Variants in DGKG observed in about 807,000 individuals in gnomAD.
DGKG encodes DAG kinase gamma.
In DGKG, 78 loss-of-function variants were observed where a neutral mutation model predicts 105.3. The observed-to-expected ratio is 0.74, with a 90% CI of 0.62 to 0.89. DGKG has a LOEUF of 0.89. Among genes scored for constraint, DGKG ranks in the 40% least tolerant of loss-of-function variants. DGKG has a pLI of 0.00. For synonymous variants in DGKG, 346 were observed against 367.1 expected, an observed-to-expected ratio of 0.94 and a Z score of 0.66; for missense variants, 958 against 1,020.1, an observed-to-expected ratio of 0.94 and a Z score of 0.83.
intron 8 of DGKG, 94 bp from the exon 9 acceptor site, chr3:186,280,067 G>T: frequency 6.6e-7 from 1 of 1,521,414 alleles, no homozygotes. Flanking sequence ...TGCATTATCT[G>T]GTTTGTGTTT....
rs377606082 is a variant in DGKG at position 186,300,793 on chromosome 3, A to C, written c.145-2564T>G. 2.6e-5 allele frequency among the ~76,000 whole-genome samples: 4 copies of C among 152,338 alleles called. No homozygotes were observed. The South Asian group carries it at 8.3e-4, about 32-fold the overall frequency. On this transcript the variant is annotated intron_variant, in intron 3 of 24. Coordinates refer to ENST00000265022, the MANE Select transcript of DGKG (RefSeq NM_001346.3). ...AACAGTCTAACATAATGCTGTAAAAAACCAAAGCCAAAAGATCATGAAACA... is the reference window on the plus strand; with the variant it reads ...AACAGTCTAACATAATGCTGTAAAACACCAAAGCCAAAAGATCATGAAACA...
At position 186,274,039 on chromosome 3, in the gene DGKG, C is replaced by CT. The variant is rs1198316697; in HGVS notation, c.910+1507dup. Among the ~76,000 whole-genome samples the CT allele has an allele frequency of 2.0e-5, 3 of 152,310 alleles. No homozygotes were observed. The East Asian group carries it at 5.8e-4, about 29-fold the overall frequency. ...TCCCCCATCTCTTTTTGCTGTCTCC[C>CT]TTTCCAGTCTTCCTCTCTGCTTTTT... On this transcript the variant is annotated intron_variant, in intron 10 of 24. Coordinates refer to ENST00000265022, the MANE Select transcript of DGKG (RefSeq NM_001346.3).
intron 6 of DGKG, among the ~76,000 whole-genome samples, chr3:186,285,390 T>C (rs1228187603): frequency 1.3e-5 from 2 of 152,228 alleles, no homozygotes; most frequent in Non-Finnish European, 2.9e-5. Context: ...TCCTCAATAA[T>C]GCTATGGGGT....
chr3:186,338,778 T>C (rs1398562647), intron 1 of DGKG, among the ~76,000 whole-genome samples: 1 of 152,222 alleles, frequency 6.6e-6, no homozygotes, highest in African/African-American at 2.4e-5. Context: ...ACTCAATCTT[T>C]TCAAAGTTTA....
chr3:186,297,633 G>T (rs1053808193), intron 4 of DGKG, 150 bp from the exon 5 acceptor site: 10 of 641,710 alleles, frequency 1.6e-5, no homozygotes, highest in Non-Finnish European at 2.5e-5. Context: ...TCGCTTATTG[G>T]GATTGGCTGT....
At chr3:186,228,203 C>A (rs777471193) in intron 20 of DGKG, among the ~76,000 whole-genome samples, 8 of 152,136 alleles carry the variant, frequency 5.3e-5, no homozygotes, top group Non-Finnish European at 7.4e-5. Context: ...AAAGCTCTGT[C>A]GTTGGTTTCC....
chr3:186,213,660 T>G (rs1719143575), intron 20 of DGKG, among the ~76,000 whole-genome samples: 2 of 152,144 alleles, frequency 1.3e-5, no homozygotes, highest in Non-Finnish European at 2.9e-5. Context: ...AAGAATTACC[T>G]GGGGAATGTG....
chr3:186,353,239 C>T (rs1013332161), intron 1 of DGKG, among the ~76,000 whole-genome samples: 43 of 152,080 alleles, frequency 2.8e-4, no homozygotes, highest in African/African-American at 1.0e-3. Flanking sequence ...AAGATTGACT[C>T]TGGCTGGGCA....
At chr3:186,249,986 A>G (rs1460305772) in intron 19 of DGKG, among the ~76,000 whole-genome samples, 1 of 152,204 alleles carries the variant, frequency 6.6e-6, no homozygotes, top group African/African-American at 2.4e-5. Flanking sequence ...GAGTGCAGGT[A>G]TCACAGAGTC....
chr3:186,337,928 G>A (rs376831037), intron 1 of DGKG, among the ~76,000 whole-genome samples: 2 of 152,212 alleles, frequency 1.3e-5, no homozygotes, highest in East Asian at 1.9e-4. Context: ...TCAGCACTTA[G>A]GGAGGCCGAG....
rs1274755323 is a variant in DGKG, at chr3:186,361,616, A to G, written c.-249+330T>C. ...AAGGAGCCAAGGTTAAGTCCAGAAG[A>G]AGAAGGAAATCCGACCAGTTGCTTT... On this transcript the variant is annotated intron_variant, in intron 1 of 24. Transcript: ENST00000265022. This position sits in a 1 kb window ranked among gnomAD's most constrained non-coding sequence, Gnocchi z 6.8. Among the ~76,000 whole-genome samples the G allele has an allele frequency of 6.6e-6, 1 of 152,182 alleles. No individual in the cohort carries two copies. Among genetic ancestry groups the G allele is most frequent in the Non-Finnish European group, 1.5e-5 (1 of 68,020 alleles).
Position 186,243,052 on chromosome 3 carries a change from C to T in DGKG, c.1762-484G>A, listed in dbSNP as rs189927496. 8.6e-5 allele frequency among the ~76,000 whole-genome samples: 13 copies of T among 151,974 alleles called. No individual in the cohort carries two copies. In the East Asian group the frequency reaches 1.9e-3, roughly 23 times the overall value. ...AAAATAGCATAGAGTTCCTAGGTCC[C>T]GTTCACTCAGCTTCCCCCAATGATA... On this transcript the variant is annotated intron_variant, in intron 19 of 24. Coordinates refer to ENST00000265022, the MANE Select transcript of DGKG (RefSeq NM_001346.3).
intron 11 of DGKG, 98 bp downstream of exon 11, chr3:186,272,157 T>G (rs1273991913): frequency 1.1e-6 from 1 of 905,544 alleles, no homozygotes; most frequent in African/African-American, 1.6e-5. Flanking sequence ...AGGGACTGGA[T>G]GAAGCTCCCA....
intron 19 of DGKG, among the ~76,000 whole-genome samples, chr3:186,244,594 C>T (rs1484394081): frequency 6.6e-6 from 1 of 151,956 alleles, no homozygotes; most frequent in African/African-American, 2.4e-5. Flanking sequence ...TTAGTAGAGA[C>T]AGTGTTTCAC....
intron 1 of DGKG, among the ~76,000 whole-genome samples, chr3:186,356,795 T>C (rs1726984816): frequency 6.6e-6 from 1 of 152,058 alleles, no homozygotes; most frequent in Non-Finnish European, 1.5e-5. Context: ...CATTAATAGG[T>C]TGCGAGATCT....
chr3:186,341,282 C>T (rs1726073328), intron 1 of DGKG, among the ~76,000 whole-genome samples: 1 of 152,156 alleles, frequency 6.6e-6, no homozygotes, highest in Non-Finnish European at 1.5e-5. Flanking sequence ...CATGTCTGGT[C>T]ATGAAGGACT....
At chr3:186,273,515 C>T (rs1722428663) in intron 10 of DGKG, among the ~76,000 whole-genome samples, 1 of 151,766 alleles carries the variant, frequency 6.6e-6, no homozygotes, top group African/African-American at 2.4e-5. Context: ...GCTGGGATTA[C>T]AAGCATGCGC....
chr3:186,212,551 T>C (rs1446945712), intron 20 of DGKG, among the ~76,000 whole-genome samples: 1 of 152,208 alleles, frequency 6.6e-6, no homozygotes, highest in Non-Finnish European at 1.5e-5. Flanking sequence ...AGACTTGTCA[T>C]ATTTGCTTCA....
At position 186,210,993 on chromosome 3, in the gene DGKG, G is replaced by C. The variant is rs1408379594; in HGVS notation, c.1917+802C>G. ...ATGGCAATCAATGAGAGGGCTTCCG[G>C]AGCGAAGCCCAGCCAACGTGGGGTG... On this transcript the variant is annotated intron_variant, in intron 21 of 24. Transcript: ENST00000265022. This position sits in a 1 kb window ranked among gnomAD's most constrained non-coding sequence, Gnocchi z 5.2. Among the ~76,000 whole-genome samples the C allele has an allele frequency of 6.6e-6, 1 of 152,156 alleles. No individual in the cohort carries two copies.
Sources: gnomAD v4.1 joint callset for allele counts (sites outside exome capture counted in the v4.1 genomes callset) on GRCh38, gnomAD v4.1.1 for gene constraint, Gnocchi (gnomAD v3.1) non-coding constraint, MANE v1.5 for transcripts, NCBI Gene and HGNC (gene_info 2026-07-23, HGNC 2026-07-21) for gene names.